Variants in PTCH2 observed in about 807,000 individuals in gnomAD.
The protein encoded by PTCH2 is protein patched homolog 2.
Under a neutral mutation model 117.9 loss-of-function variants are expected in PTCH2, and 96 were observed. The ratio of observed to expected loss-of-function variants is 0.81; its 90% CI spans 0.69 to 0.96. The LOEUF is 0.96. Ranked by LOEUF, PTCH2 falls within the 50% of genes least tolerant of loss-of-function variation. PTCH2 has a pLI of 0.00. For synonymous variants in PTCH2, 615 were observed against 660.9 expected (o/e 0.93, Z 1.06); for missense variants, 1,379 against 1,562.5 (o/e 0.88, Z 1.98).
chr1:44,820,886 C>T (rs1413666372), downstream of PTCH2, among the ~76,000 whole-genome samples: 2 of 152,146 alleles, frequency 1.3e-5, no homozygotes, highest in African/African-American at 4.8e-5. Flanking sequence ...TGCAGCCTCC[C>T]TCCCTTGGGC....
chr1:44,827,954 C>T lies in PTCH2; in HGVS notation c.1947G>A (p.Glu649=), dbSNP rs1557644710. 2 of 1,614,224 alleles carry T rather than the reference C, an allele frequency of 1.2e-6. No homozygotes were observed. The highest frequency in any genetic ancestry group is 1.3e-5 in the African/African-American group (1 of 75,066). Residue 649 remains glutamate, a synonymous_variant, in exon 14 of 22, where the codon GAG becomes GAA. Transcript: ENST00000372192. Reference sequence around the variant, plus strand: ...AGGCTGCCTTCTGCCTTGTCTCCTCCTCCTGGCCTAGAAGGTCCCGTGTGG... The same window carrying T: ...AGGCTGCCTTCTGCCTTGTCTCCTCTTCCTGGCCTAGAAGGTCCCGTGTGG... The part of the protein sequence containing the change: ...GGSTRDLLGQ[E]EETRQKAACK...
chr1:44,824,328 G>T (rs1322253424), intron 19 of PTCH2, among the ~76,000 whole-genome samples: 1 of 152,104 alleles, frequency 6.6e-6, no homozygotes, highest in Non-Finnish European at 1.5e-5. Flanking sequence ...TTTGGTGGGG[G>T]GAAAGGAAGG....
At chr1:44,832,118 G>T (rs1480192320) in intron 3 of PTCH2, 34 bp downstream of exon 3, 1 of 1,613,470 alleles carries the variant, frequency 6.2e-7, no homozygotes. Flanking sequence ...AGCACGCCTC[G>T]CCCCCAGCTG....
chr1:44,823,125 G>A lies in PTCH2; in HGVS notation c.3301C>T (p.Leu1101Phe), dbSNP rs946300110. ...ACAGGCAGCAGCACGAGTCCATGGA[G>A]GAGGCCCAGGAGCGTGAGCACTGTC... ...ALTVLTLLGLLHGLVLLPVLL... is the reference protein window; with the variant it reads ...ALTVLTLLGLFHGLVLLPVLL... Residue 1101 changes from leucine (L) to phenylalanine (F), a missense_variant, in exon 21 of 22, where the codon CTC becomes TTC. Coordinates refer to ENST00000372192, the MANE Select transcript of PTCH2 (RefSeq NM_003738.5). The surrounding 1 kb of genome is among the most constrained non-coding windows in gnomAD (Gnocchi z 5.1). 3.1e-6 allele frequency: 5 copies of A among 1,613,924 alleles called. No individual in the cohort carries two copies. The African/African-American group carries it at 6.7e-5, about 22-fold the overall frequency.
rs937863925 is a variant in PTCH2, at chr1:44,843,121, G to C, written c.-189C>G. 12 of 1,322,922 alleles carry C rather than the reference G, an allele frequency of 9.1e-6. No homozygotes were observed. Among genetic ancestry groups the C allele is most frequent in the African/African-American group, 6.1e-5 (4 of 65,168 alleles). The allele number at this position is 1,322,922 out of a possible 1,614,324, so 81.9% of individuals were successfully genotyped here. A position where few individuals can be genotyped will look rare whatever the true frequency, so the allele number is the denominator to read the frequency against. On this transcript the variant is annotated 5_prime_UTR_variant, in exon 1 of 22. Coordinates refer to ENST00000372192, the MANE Select transcript of PTCH2 (RefSeq NM_003738.5). The stretch of plus-strand genomic sequence containing the variant: ...GGGAGGGAGGAGTGCAGGGAGCTGC[G>C]GGTCCGGGGCGCGGCGCCGGGATTC...
chr1:44,830,399 G>A (rs575421804), intron 6 of PTCH2, among the ~76,000 whole-genome samples: 28 of 152,022 alleles, frequency 1.8e-4, no homozygotes, highest in African/African-American at 6.5e-4. Context: ...TCCAGCCTTG[G>A]CCAGGCGCAG....
At chr1:44,821,275 A>G (rs999364249), downstream of PTCH2, among the ~76,000 whole-genome samples, 1 of 152,184 alleles carries the variant, frequency 6.6e-6, no homozygotes, top group African/African-American at 2.4e-5. Flanking sequence ...GAGCTGTTCA[A>G]CTTTCACAGA....
At position 44,826,261 on chromosome 1, in the gene PTCH2, G is replaced by A; in HGVS notation, c.3103C>T (p.His1035Tyr). 2 of 1,614,034 alleles carry A rather than the reference G, an allele frequency of 1.2e-6. No homozygotes were observed. The highest frequency in any genetic ancestry group is 2.2e-5 in the East Asian group (1 of 44,886). Residue 1035 changes from histidine to tyrosine, a missense_variant, in exon 19 of 22, where the codon CAC (histidine) becomes TAC (tyrosine). Physicochemically the swap from His to Tyr is moderately conservative, Grantham distance 83 (BLOSUM62 2). Coordinates refer to ENST00000372192, the MANE Select transcript of PTCH2 (RefSeq NM_003738.5). The surrounding 1 kb of genome is among the most constrained non-coding windows in gnomAD (Gnocchi z 5.1). ...SVGIGVEFTVHVALGFLTTQG... is the reference protein window; with the variant it reads ...SVGIGVEFTVYVALGFLTTQG... ...GTGCCCGTGCTCACCAGAGCCACGT[G>A]GACTGTGAACTCAACGCCAATGCCT...
At chr1:44,825,508 G>A (rs769904809) in intron 19 of PTCH2, among the ~76,000 whole-genome samples, 48 of 151,764 alleles carry the variant, frequency 3.2e-4, no homozygotes, top group Non-Finnish European at 4.7e-4. Flanking sequence ...ATTATATCCC[G>A]TATTCTTTTT....
Position 44,831,831 on chromosome 1 carries a change from C to T in PTCH2, c.526-34G>A. ...GATACCCCGGGCCACGTCAGTCCTG[C>T]CCCACAACCTTTGTAGGATGCCCTC... On this transcript the variant is annotated intron_variant, in intron 4 of 21. Transcript: ENST00000372192. This position sits in a 1 kb window ranked among gnomAD's most constrained non-coding sequence, Gnocchi z 4.3. 1 of 1,604,870 alleles carries T rather than the reference C, an allele frequency of 6.2e-7. No individual in the cohort carries two copies. The highest frequency in any genetic ancestry group is 8.5e-7 in the Non-Finnish European group (1 of 1,172,064).
In PTCH2 at chr1:44,841,990, T is replaced by G; in HGVS notation, c.122A>C (p.Gln41Pro). 1 of 1,614,148 alleles carries G rather than the reference T, an allele frequency of 6.2e-7. No homozygotes were observed. Among genetic ancestry groups the G allele is most frequent in the Non-Finnish European group, 8.5e-7 (1 of 1,179,986 alleles). ...GCATCCCAGAGAGAAGAGCAGGCCC[T>G]GGAAGTAAGCACGAAGCCAGAGTGG... is the stretch of plus-strand genomic sequence containing the variant. The part of the protein sequence containing the change: ...KAPLWLRAYF[Q>P]GLLFSLGCGI... The change falls in exon 2 of 22, where the codon CAG (glutamine) becomes CCG (proline). Residue 41 changes from glutamine to proline, a missense_variant. Gln to Pro is a moderately conservative substitution (Grantham distance 76). Coordinates refer to ENST00000372192, the MANE Select transcript of PTCH2 (RefSeq NM_003738.5).
rs1471334921 is a variant in PTCH2 at position 44,831,757 on chromosome 1, AG to A, written c.565del (p.Leu189SerfsTer50). 13 of 1,586,096 alleles carry A rather than the reference AG, an allele frequency of 8.2e-6. No homozygotes were observed. Among genetic ancestry groups the A allele is most frequent in the Non-Finnish European group, 1.1e-5 (13 of 1,166,216 alleles). The part of the protein sequence containing the change: ...KLFPCVILTP[L>X]DCFWEGAKLQ... The stretch of plus-strand genomic sequence containing the variant: ...TTTGGCTCCCTCCCAGAAGCAGTCG[AG>A]GGGGGTGAGGATCACGCACGGAAAC... On this transcript the variant is annotated frameshift_variant, in exon 5 of 22. Coordinates refer to ENST00000372192, the MANE Select transcript of PTCH2 (RefSeq NM_003738.5). LOFTEE classifies it high-confidence loss of function. The surrounding 1 kb of genome is among the most constrained non-coding windows in gnomAD (Gnocchi z 4.3).
Position 44,829,262 on chromosome 1 carries a change from C to T in PTCH2, c.1266G>A (p.Gln422=), listed in dbSNP as rs762459226. Reference sequence around the variant, plus strand: ...GTACCCCGGCAAGGCCCACGGAACCCTGGGACTGGGCGCAGTCCCACCGCA... The same window carrying T: ...GTACCCCGGCAAGGCCCACGGAACCTTGGGACTGGGCGCAGTCCCACCGCA... ...TMLRWDCAQS[Q]GSVGLAGVLL... The change falls in exon 10 of 22, where the codon CAG becomes CAA. Residue 422 remains glutamine (Q), a synonymous_variant. Transcript: ENST00000372192. 1 of 1,613,550 alleles carries T rather than the reference C, an allele frequency of 6.2e-7. No individual in the cohort carries two copies.
chr1:44,826,027 G>T lies in PTCH2; in HGVS notation c.3114+223C>A, dbSNP rs2148873536. The stretch of plus-strand genomic sequence containing the variant: ...GCCTGGCTAATTTTTTGTATTTTTA[G>T]TAAAGACAGGGTTTCACCATGTTGG... On this transcript the variant is annotated intron_variant, in intron 19 of 21. Coordinates refer to ENST00000372192, the MANE Select transcript of PTCH2 (RefSeq NM_003738.5). The surrounding 1 kb of genome is among the most constrained non-coding windows in gnomAD (Gnocchi z 5.1). Among the ~76,000 whole-genome samples, 1 of 151,748 alleles carries T rather than the reference G, an allele frequency of 6.6e-6. No individual in the cohort carries two copies. The highest frequency in any genetic ancestry group is 2.1e-4 in the South Asian group (1 of 4,796).
chr1:44,838,675 ACT>A (rs1653792697), intron 2 of PTCH2, among the ~76,000 whole-genome samples: 1 of 151,980 alleles, frequency 6.6e-6, no homozygotes, highest in African/African-American at 2.4e-5. Context: ...GGTCTGGAAC[ACT>A]GTGATAGCCA....
chr1:44,830,822 C>T (rs763715697), intron 6 of PTCH2, 26 bp downstream of exon 6: 16 of 1,516,202 alleles, frequency 1.1e-5, no homozygotes, highest in Non-Finnish European at 1.3e-5. Flanking sequence ...AACAGCCTTT[C>T]CCTGGCAGAC....
chr1:44,840,144 C>A (rs1490051724), intron 2 of PTCH2, among the ~76,000 whole-genome samples: 1 of 149,916 alleles, frequency 6.7e-6, no homozygotes, highest in Non-Finnish European at 1.5e-5. Context: ...CCTCTGCTGC[C>A]CAGGCTGGAG....
chr1:44,842,116 C>T, intron 1 of PTCH2, 77 bp from the exon 2 acceptor site: 1 of 1,385,112 alleles, frequency 7.2e-7, no homozygotes, highest in Non-Finnish European at 1.0e-6. Context: ...CCCTGTATAT[C>T]TGCTGCCCAG....
At chr1:44,824,484 A>G (rs568526859) in intron 19 of PTCH2, among the ~76,000 whole-genome samples, 5 of 131,488 alleles carry the variant, frequency 3.8e-5, no homozygotes, top group Admixed American at 2.4e-4. Flanking sequence ...CCACATTGCC[A>G]TCCCGCTACC....
Sources: gnomAD v4.1 joint callset for allele counts (sites outside exome capture counted in the v4.1 genomes callset) on GRCh38, gnomAD v4.1.1 for gene constraint, Gnocchi (gnomAD v3.1) non-coding constraint, MANE v1.5 for transcripts, NCBI Gene and HGNC (gene_info 2026-07-23, HGNC 2026-07-21) for gene names.